PILRA: variants seen among roughly 807,000 people sequenced by gnomAD.
The protein encoded by PILRA is paired immunoglobulin-like type 2 receptor alpha.
In PILRA, 37 loss-of-function variants were observed where a neutral mutation model predicts 33.1. The observed-to-expected ratio is 1.12, with a 90% CI of 0.86 to 1.47. The LOEUF is 1.47. Ranked by LOEUF, PILRA falls within the 40% of genes most tolerant of loss-of-function variation. The pLI, the probability that PILRA is intolerant of heterozygous loss-of-function variation, is 0.00. For synonymous variants in PILRA, 146 were observed against 149.9 expected, an observed-to-expected ratio of 0.97 and a Z score of 0.19; for missense variants, 312 against 376.2, an observed-to-expected ratio of 0.83 and a Z score of 1.41.
At chr7:100,382,855 G>A (rs913062903) in intron 2 of PILRA, among the ~76,000 whole-genome samples, 11 of 152,288 alleles carry the variant, frequency 7.2e-5, no homozygotes, top group Admixed American at 1.3e-4. Context: ...TAAAAAGGAA[G>A]AAACTCTGAA....
rs74792669 is a variant in PILRA at position 100,386,830 on chromosome 7, TA to T, written c.455-3045del. On this transcript the variant is annotated intron_variant, in intron 2 of 6. Coordinates refer to ENST00000198536, the MANE Select transcript of PILRA (RefSeq NM_013439.3). The stretch of plus-strand genomic sequence containing the variant: ...AGGCATGAGCCACAGTGCCCAGCTT[TA>T]AAAAAAAAAAAACGACCAAAAAACT... Among the ~76,000 whole-genome samples the T allele has an allele frequency of 9.7e-3, 1,360 of 140,464 alleles. 14 individuals carry two copies. Among genetic ancestry groups the T allele is most frequent in the African/African-American group, 0.027 (1,054 of 38,486 alleles). 92.1% of individuals were successfully genotyped at this position (140,464 alleles called of 152,430 possible).
chr7:100,382,128 G>A (rs941004687), intron 2 of PILRA, among the ~76,000 whole-genome samples: 6 of 152,220 alleles, frequency 3.9e-5, no homozygotes, highest in Admixed American at 3.3e-4. Context: ...GGAGCAAGGC[G>A]CAGAACTGGC....
At chr7:100,381,018 G>A (rs1029260279) in intron 2 of PILRA, among the ~76,000 whole-genome samples, 5 of 151,754 alleles carry the variant, frequency 3.3e-5, no homozygotes, top group African/African-American at 9.7e-5. Flanking sequence ...TGTAATCCCA[G>A]CACTTTGGGA....
At position 100,373,650 on chromosome 7, in the gene PILRA, C is replaced by T. The variant is rs762824779; in HGVS notation, c.-7C>T. ...GGTCTCCCCGTCCCCTGGAGAAGAA[C>T]AAGGCCATGGGTCGGCCCCTGCTGC... On this transcript the variant is annotated 5_prime_UTR_variant, in exon 1 of 7. Transcript: ENST00000198536. 2 of 1,613,648 alleles carry T rather than the reference C, an allele frequency of 1.2e-6. No homozygotes were observed. Among genetic ancestry groups the T allele is most frequent in the Non-Finnish European group, 8.5e-7 (1 of 1,179,962 alleles).
chr7:100,382,224 T>C (rs1056047337), intron 2 of PILRA, among the ~76,000 whole-genome samples: 1 of 152,176 alleles, frequency 6.6e-6, no homozygotes, highest in Non-Finnish European at 1.5e-5. Flanking sequence ...GGAGAAACCT[T>C]TATGTCTAGC....
chr7:100,374,813 G>C, intron 2 of PILRA: 2 of 315,752 alleles, frequency 6.3e-6, no homozygotes, highest in African/African-American at 2.1e-5. Context: ...CCCGCTCTTT[G>C]TCATGTGTCT....
At chr7:100,393,745 T>C (rs976011966) in intron 3 of PILRA, among the ~76,000 whole-genome samples, 5 of 151,982 alleles carry the variant, frequency 3.3e-5, no homozygotes, top group Non-Finnish European at 7.4e-5. Context: ...AAAGGTTGCC[T>C]CATAGCCCAA....
chr7:100,389,700 A>T (rs954765129), intron 2 of PILRA, among the ~76,000 whole-genome samples, 188 bp from the exon 3 acceptor site: 1 of 152,040 alleles, frequency 6.6e-6, no homozygotes, highest in Non-Finnish European at 1.5e-5. Context: ...AAATAATATA[A>T]AATGAACTGA....
chr7:100,390,003 G>T lies in PILRA; in HGVS notation c.570G>T (p.Trp190Cys). The T allele has an allele frequency of 6.2e-7, 1 of 1,614,100 alleles. No homozygotes were observed. The highest frequency in any genetic ancestry group is 8.5e-7 in the Non-Finnish European group (1 of 1,179,974). Reference sequence around the variant, plus strand: ...AGGGCAAACGACGCTCAGACTCTTGGCACATAAGTCTGGAGACTGCTGTGG... The same window carrying T: ...AGGGCAAACGACGCTCAGACTCTTGTCACATAAGTCTGGAGACTGCTGTGG... Reference protein sequence around the residue: ...VTQGKRRSDSWHISLETAVGV... With the variant: ...VTQGKRRSDSCHISLETAVGV... Residue 190 changes from tryptophan (W) to cysteine (C), a missense_variant, in exon 3 of 7, where the codon TGG becomes TGT. Transcript: ENST00000198536.
upstream of PILRA, among the ~76,000 whole-genome samples, chr7:100,371,848 G>C (rs1346905296): frequency 3.9e-5 from 6 of 152,196 alleles, no homozygotes; most frequent in African/African-American, 1.2e-4. Flanking sequence ...TCCTGACACA[G>C]AAGGAATCTC....
At chr7:100,393,238 C>A (rs979499412) in intron 3 of PILRA, among the ~76,000 whole-genome samples, 2 of 151,830 alleles carry the variant, frequency 1.3e-5, no homozygotes, top group African/African-American at 4.8e-5. Flanking sequence ...TGAGATCACA[C>A]CACTGCACTC....
At chr7:100,391,619 C>A (rs955722324) in intron 3 of PILRA, among the ~76,000 whole-genome samples, 1 of 152,104 alleles carries the variant, frequency 6.6e-6, no homozygotes. Context: ...CCTGGGAGGT[C>A]GAGGCTGCAG....
intron 2 of PILRA, among the ~76,000 whole-genome samples, chr7:100,380,174 G>C (rs1393000077): frequency 1.3e-5 from 2 of 152,198 alleles, no homozygotes; most frequent in Non-Finnish European, 2.9e-5. Flanking sequence ...ACTGGGGTCT[G>C]GTCCTCATAC....
intron 3 of PILRA, among the ~76,000 whole-genome samples, chr7:100,396,521 G>A (rs918881768): frequency 6.6e-6 from 1 of 152,042 alleles, no homozygotes; most frequent in African/African-American, 2.4e-5. Flanking sequence ...GCCTGGTGAT[G>A]GGCGTCTGTA....
intron 2 of PILRA, among the ~76,000 whole-genome samples, chr7:100,382,895 C>G (rs1165871751): frequency 6.6e-6 from 1 of 152,130 alleles, no homozygotes; most frequent in African/African-American, 2.4e-5. Context: ...GAACAAACTC[C>G]GGACACGCCG....
chr7:100,396,850 TAGGGG>T (rs1791503974), intron 3 of PILRA, among the ~76,000 whole-genome samples: 1 of 150,226 alleles, frequency 6.7e-6, no homozygotes, highest in Non-Finnish European at 1.5e-5. Context: ...GAGGAGGGAG[TAGGGG>T]TTCTTTAAAA....
chr7:100,393,301 A>G (rs975874590), intron 3 of PILRA, among the ~76,000 whole-genome samples: 1 of 152,126 alleles, frequency 6.6e-6, no homozygotes, highest in African/African-American at 2.4e-5. Context: ...AAAAAATTAA[A>G]ATCAACCACT....
chr7:100,397,935 G>A, intron 4 of PILRA, 23 bp downstream of exon 4: 3 of 1,613,102 alleles, frequency 1.9e-6, no homozygotes, highest in Non-Finnish European at 2.5e-6. Flanking sequence ...CCTCCCCAGG[G>A]TGGGTTGGGG....
intron 4 of PILRA, among the ~76,000 whole-genome samples, chr7:100,398,874 G>C (rs1345120347): frequency 2.0e-5 from 3 of 151,672 alleles, no homozygotes; most frequent in Non-Finnish European, 4.4e-5. Context: ...GAGCAGGGTG[G>C]ACAGGTTGCA....
Sources: gnomAD v4.1 joint callset for allele counts (sites outside exome capture counted in the v4.1 genomes callset) on GRCh38, gnomAD v4.1.1 for gene constraint, MANE v1.5 for transcripts, NCBI Gene and HGNC (gene_info 2026-07-23, HGNC 2026-07-21) for gene names.